The following PGAP1 variants were observed in gnomAD, a reference collection of about 807,000 sequenced individuals.
PGAP1 encodes the protein post-GPI attachment to proteins inositol deacylase 1, also known as GPI inositol-deacylase.
A neutral mutation model predicts 127.0 loss-of-function variants in PGAP1; 76 were observed. That is an observed-to-expected ratio of 0.60 (90% confidence interval 0.50 to 0.72). PGAP1 has a LOEUF of 0.72. PGAP1 is among the 30% of genes least tolerant of loss of function. The pLI, the probability that PGAP1 is intolerant of heterozygous loss-of-function variation, is 0.00. For synonymous variants in PGAP1, 362 were observed against 366.5 expected (o/e 0.99, Z 0.14); for missense variants, 982 against 1,071.3 (o/e 0.92, Z 1.16).
chr2:196,891,294 A>AC (rs1702092895), intron 9 of PGAP1, among the ~76,000 whole-genome samples: 1 of 152,194 alleles, frequency 6.6e-6, no homozygotes, highest in Non-Finnish European at 1.5e-5. Context: ...CACTTCCCAA[A>AC]GAAAAGGAAT....
chr2:196,836,429 T>C lies in PGAP1; in HGVS notation c.*4805A>G, dbSNP rs1424119023. On this transcript the variant is annotated 3_prime_UTR_variant, in exon 27 of 27. Transcript: ENST00000354764. ...TTATTCTGTTGTCAAAACTAAGTTATTAACAGATAATAAATTCATATAAGT... is the reference window on the plus strand; with the variant it reads ...TTATTCTGTTGTCAAAACTAAGTTACTAACAGATAATAAATTCATATAAGT... 6.6e-6 allele frequency: 1 copy of C among 152,368 alleles called. No homozygotes were observed. Among genetic ancestry groups the C allele is most frequent in the Non-Finnish European group, 1.5e-5 (1 of 67,994 alleles). 9.4% of individuals were successfully genotyped at this position (152,368 alleles called of 1,614,324 possible).
At chr2:196,892,881 T>C (rs551670677) in intron 8 of PGAP1, among the ~76,000 whole-genome samples, 8 of 152,252 alleles carry the variant, frequency 5.3e-5, no homozygotes, top group African/African-American at 9.6e-5. Flanking sequence ...GTCATTTAAC[T>C]GAAATTTTTC....
chr2:196,859,956 C>T (rs1054517336), intron 20 of PGAP1, among the ~76,000 whole-genome samples: 7 of 151,886 alleles, frequency 4.6e-5, no homozygotes, highest in Admixed American at 2.0e-4. Flanking sequence ...CTAAATAAGA[C>T]GAGAATGTCT....
Position 196,842,766 on chromosome 2 carries a change from G to T in PGAP1, c.2585C>A (p.Thr862Asn). 6.3e-7 allele frequency: 1 copy of T among 1,586,122 alleles called. No homozygotes were observed. The highest frequency in any genetic ancestry group is 8.6e-7 in the Non-Finnish European group (1 of 1,162,028). ...GTAAGTATTTCCAAGAATTGCCATA[G>T]TCGGAATAAGGATAAATGCCAAAGG... is the stretch of plus-strand genomic sequence containing the variant. ...CKPLAFILIP[T>N]MAILGNTYTV... is the part of the protein sequence containing the mutation. The change falls in exon 26 of 27, where the codon ACT becomes AAT. Residue 862 changes from threonine to asparagine, a missense_variant. Transcript: ENST00000354764.
chr2:196,872,011 C>G (rs532887815), intron 18 of PGAP1, among the ~76,000 whole-genome samples: 1 of 151,958 alleles, frequency 6.6e-6, no homozygotes, highest in East Asian at 1.9e-4. Context: ...ATTTTAATGA[C>G]TAGCAGAGCT....
At chr2:196,850,821 T>A (rs192265341) in intron 20 of PGAP1, among the ~76,000 whole-genome samples, 1 of 151,836 alleles carries the variant, frequency 6.6e-6, no homozygotes, top group Non-Finnish European at 1.5e-5. Context: ...AGGGAGTGAG[T>A]GTCTCTTATT....
intron 14 of PGAP1, among the ~76,000 whole-genome samples, chr2:196,874,128 G>A (rs758165522): frequency 2.0e-5 from 3 of 151,792 alleles, no homozygotes; most frequent in African/African-American, 7.3e-5. Context: ...AGGGTAGGGG[G>A]AAAAATAAAA....
chr2:196,859,695 G>A (rs1700999048), intron 20 of PGAP1, among the ~76,000 whole-genome samples: 1 of 152,166 alleles, frequency 6.6e-6, no homozygotes, highest in African/African-American at 2.4e-5. Context: ...TCCTAGGAAT[G>A]CAAGGATAGT....
At chr2:196,918,231 T>C (rs555177731) in intron 2 of PGAP1, among the ~76,000 whole-genome samples, 1 of 152,220 alleles carries the variant, frequency 6.6e-6, no homozygotes, top group African/African-American at 2.4e-5. Context: ...TGTAAAAGGA[T>C]GTGGAGCAAA....
chr2:196,917,581 A>G (rs1272771963), intron 2 of PGAP1, among the ~76,000 whole-genome samples: 1 of 152,108 alleles, frequency 6.6e-6, no homozygotes, highest in African/African-American at 2.4e-5. Context: ...CCTATTTTGG[A>G]TATCTCATAT....
At chr2:196,898,259 T>G in intron 6 of PGAP1, 58 bp downstream of exon 6, 1 of 1,177,096 alleles carries the variant, frequency 8.5e-7, no homozygotes, top group Non-Finnish European at 1.2e-6. Flanking sequence ...ATTACTGCAT[T>G]GAGGAGAAAG....
intron 20 of PGAP1, among the ~76,000 whole-genome samples, chr2:196,859,628 C>T (rs1700997131): frequency 6.6e-6 from 1 of 152,078 alleles, no homozygotes; most frequent in African/African-American, 2.4e-5. Flanking sequence ...AAAATACTAG[C>T]AAACTGACTT....
chr2:196,858,399 C>T (rs1700958414), intron 20 of PGAP1, among the ~76,000 whole-genome samples: 1 of 145,950 alleles, frequency 6.9e-6, no homozygotes, highest in African/African-American at 2.7e-5. Flanking sequence ...AAGACTCCGT[C>T]TCAAAAAAAA....
chr2:196,876,598 CAT>C (rs148282133), intron 13 of PGAP1, among the ~76,000 whole-genome samples: 1,538 of 152,194 alleles, frequency 0.01, 22 homozygotes, highest in African/African-American at 0.035. Context: ...ACAATGCAAT[CAT>C]ATTATTTTGA....
chr2:196,848,131 T>A, intron 20 of PGAP1, 94 bp from the exon 21 acceptor site: 1 of 733,002 alleles, frequency 1.4e-6, no homozygotes, highest in African/African-American at 1.8e-5. Context: ...ATATTTTATG[T>A]CAGAGAAAGT....
intron 14 of PGAP1, among the ~76,000 whole-genome samples, chr2:196,875,523 G>C (rs1327108006): frequency 1.3e-5 from 2 of 152,020 alleles, no homozygotes; most frequent in East Asian, 3.8e-4. Context: ...CAGACACATA[G>C]ATACACACAC....
chr2:196,871,984 T>C (rs1301006693), intron 18 of PGAP1, among the ~76,000 whole-genome samples: 1 of 152,042 alleles, frequency 6.6e-6, no homozygotes, highest in African/African-American at 2.4e-5. Context: ...ATAAACACAA[T>C]AGGTATGAAA....
chr2:196,850,664 G>A (rs564616264), intron 20 of PGAP1, among the ~76,000 whole-genome samples: 3 of 151,728 alleles, frequency 2.0e-5, no homozygotes, highest in South Asian at 4.2e-4. Context: ...AAGGAGGAAG[G>A]AACAACAGAT....
At chr2:196,904,514 G>T (rs1385410820) in intron 4 of PGAP1, among the ~76,000 whole-genome samples, 2 of 152,100 alleles carry the variant, frequency 1.3e-5, no homozygotes, top group Non-Finnish European at 2.9e-5. Context: ...GAGGCGGGCG[G>T]ATCATGAGGT....
Sources: allele counts gnomAD v4.1 joint callset (sites outside exome capture counted in the v4.1 genomes callset), GRCh38; gene constraint gnomAD v4.1.1; transcripts MANE v1.5; gene names NCBI Gene and HGNC (gene_info 2026-07-23, HGNC 2026-07-21).